TCP11: variants seen among roughly 807,000 people sequenced by gnomAD.
The protein encoded by TCP11 is T-complex protein 11 homolog.
In TCP11, 34 loss-of-function variants were observed where a neutral mutation model predicts 45.0. That is an observed-to-expected ratio of 0.76 (90% CI 0.57 to 1.01). The LOEUF is 1.01. Ranked by LOEUF, TCP11 falls within the 50% of genes least tolerant of loss-of-function variation. The pLI is 0.00. For synonymous variants in TCP11, 227 were observed against 227.0 expected (o/e 1.00, Z 0.00); for missense variants, 523 against 598.1 (o/e 0.87, Z 1.31).
At chr6:35,135,004 A>T (rs954557127) in intron 3 of TCP11, among the ~76,000 whole-genome samples, 2 of 152,106 alleles carry the variant, frequency 1.3e-5, no homozygotes, top group Non-Finnish European at 2.9e-5. Context: ...AAAATTAGCT[A>T]GGCGTGGTGG....
intron 3 of TCP11, among the ~76,000 whole-genome samples, chr6:35,129,422 T>C (rs1001350890): frequency 2.6e-5 from 4 of 152,244 alleles, no homozygotes; most frequent in African/African-American, 9.6e-5. Flanking sequence ...GCCCTCTCTC[T>C]GCAGTAGAAA....
Position 35,119,410 on chromosome 6 carries a change from T to TAAGC in TCP11, c.1116-23_1116-20dup. ...CTCAGGCCTAGACCATGAAAGAAAG[T>TAAGC]AAGCTGGCACCCACCAGGTAACCCT... On this transcript the variant is annotated intron_variant, in intron 8 of 9. Coordinates refer to ENST00000311875, the MANE Select transcript of TCP11 (RefSeq NM_001370687.1). 6.2e-7 allele frequency: 1 copy of TAAGC among 1,612,094 alleles called. No homozygotes were observed. Among genetic ancestry groups the TAAGC allele is most frequent in the East Asian group, 2.2e-5 (1 of 44,848 alleles).
chr6:35,120,833 G>C lies in TCP11; in HGVS notation c.715+76C>G. 3 of 1,513,168 alleles carry C rather than the reference G, an allele frequency of 2.0e-6. No homozygotes were observed. The highest frequency in any genetic ancestry group is 2.7e-6 in the Non-Finnish European group (3 of 1,122,638). The allele number at this position is 1,513,168 out of a possible 1,614,324, so 93.7% of individuals were successfully genotyped here. On this transcript the variant is annotated intron_variant, in intron 6 of 9. Coordinates refer to ENST00000311875, the MANE Select transcript of TCP11 (RefSeq NM_001370687.1). This position sits in a 1 kb window ranked among gnomAD's most constrained non-coding sequence, Gnocchi z 4.9. ...AACTTTCTATTCCTAAAAAGAGATA[G>C]AGTACTCTCTAACATTATAAAAGTC...
At chr6:35,125,782 T>C (rs889875323) in intron 4 of TCP11, among the ~76,000 whole-genome samples, 2 of 152,194 alleles carry the variant, frequency 1.3e-5, no homozygotes, top group Admixed American at 1.3e-4. Flanking sequence ...AACAGATGTA[T>C]GAACAAAATG....
In TCP11 at chr6:35,141,259, G is replaced by A. The variant is rs1016338319; in HGVS notation, c.-69C>T. ...TGGCGTCCGCTCGGTGGGCCTCGCG[G>A]CCTGGCGGCCTGGAGCGTACCACCG... On this transcript the variant is annotated 5_prime_UTR_variant, in exon 1 of 10. Coordinates refer to ENST00000311875, the MANE Select transcript of TCP11 (RefSeq NM_001370687.1). 2.2e-5 allele frequency: 4 copies of A among 183,504 alleles called. No homozygotes were observed. Among genetic ancestry groups the A allele is most frequent in the African/African-American group, 1.1e-4 (4 of 36,962 alleles). 11.4% of individuals were successfully genotyped at this position (183,504 alleles called of 1,614,324 possible).
rs768039790 is a variant in TCP11 at position 35,122,178 on chromosome 6, G to T, written c.517C>A (p.Pro173Thr). 10 of 1,614,038 alleles carry T rather than the reference G, an allele frequency of 6.2e-6. No individual in the cohort carries two copies. The South Asian group carries it at 1.1e-4, about 18-fold the overall frequency. ...VLNMMALLCA[P>T]VRDEAVQKLE... ...TTCTGCACTGCTTCATCTCGAACTGGTGCACACAGCAAAGCCATCATGTTG... is the reference window on the plus strand; with the variant it reads ...TTCTGCACTGCTTCATCTCGAACTGTTGCACACAGCAAAGCCATCATGTTG... The change falls in exon 5 of 10, where the codon CCA (proline) becomes ACA (threonine). Residue 173 changes from proline (P) to threonine (T), a missense_variant. Pro to Thr is a conservative substitution (Grantham distance 38). This residue lies in a region of TCP11 where 225 missense variants were observed against 210.2 expected (regional missense o/e 1.07). Coordinates refer to ENST00000311875, the MANE Select transcript of TCP11 (RefSeq NM_001370687.1).
At chr6:35,125,498 A>G (rs1003480529) in intron 4 of TCP11, among the ~76,000 whole-genome samples, 2 of 152,242 alleles carry the variant, frequency 1.3e-5, no homozygotes, top group African/African-American at 4.8e-5. Flanking sequence ...GCCATTACCA[A>G]AAATGGAAAA....
intron 8 of TCP11, 129 bp from the exon 9 acceptor site, chr6:35,119,520 A>C (rs1581795525): frequency 2.6e-6 from 3 of 1,144,432 alleles, no homozygotes; most frequent in Non-Finnish European, 3.7e-6. Context: ...CCACCCCTAA[A>C]CCCCAGCCCC....
At chr6:35,129,968 G>C (rs1186086550) in intron 3 of TCP11, among the ~76,000 whole-genome samples, 1 of 151,916 alleles carries the variant, frequency 6.6e-6, no homozygotes, top group Non-Finnish European at 1.5e-5. Context: ...TTTTAGTAGA[G>C]ATGGGGGTCC....
Position 35,120,071 on chromosome 6 carries a change from G to T in TCP11, c.1115+88C>A. The T allele has an allele frequency of 6.7e-7, 1 of 1,493,200 alleles. No homozygotes were observed. Among genetic ancestry groups the T allele is most frequent in the Non-Finnish European group, 9.1e-7 (1 of 1,104,314 alleles). The allele number at this position is 1,493,200 out of a possible 1,614,324, so 92.5% of individuals were successfully genotyped here. On this transcript the variant is annotated intron_variant, in intron 8 of 9. Coordinates refer to ENST00000311875, the MANE Select transcript of TCP11 (RefSeq NM_001370687.1). This position sits in a 1 kb window ranked among gnomAD's most constrained non-coding sequence, Gnocchi z 4.9. ...TCCACAGGGCCTTTCTGTGGTTTGTGGTAGACAGTAAGCAATCGTTCATTA... is the reference window on the plus strand; with the variant it reads ...TCCACAGGGCCTTTCTGTGGTTTGTTGTAGACAGTAAGCAATCGTTCATTA...
In TCP11 at chr6:35,120,179, C is replaced by T; in HGVS notation, c.1095G>A (p.Leu365=). 1 of 1,614,050 alleles carries T rather than the reference C, an allele frequency of 6.2e-7. No individual in the cohort carries two copies. Among genetic ancestry groups the T allele is most frequent in the African/African-American group, 1.3e-5 (1 of 75,034 alleles). The change falls in exon 8 of 10, where the codon TTG becomes TTA. Residue 365 remains leucine, a synonymous_variant. Transcript: ENST00000311875. The surrounding 1 kb of genome is among the most constrained non-coding windows in gnomAD (Gnocchi z 4.9). ...CTCACCTGGAGTGAAAGTCTTCCAA[C>T]AAGGATTTGGTTATGCGTTTCAGTT... The part of the protein sequence containing the change: ...VDKLKRITKS[L]LEDFHSRPEE...
At chr6:35,118,554 G>A (rs1778886208) in intron 9 of TCP11, 53 bp from the exon 10 acceptor site, 22 of 1,531,086 alleles carry the variant, frequency 1.4e-5, no homozygotes, top group Non-Finnish European at 1.8e-5. Flanking sequence ...ATTTCAGGGA[G>A]AAAATTCCCC....
intron 2 of TCP11, among the ~76,000 whole-genome samples, chr6:35,139,000 C>T (rs759143898): frequency 7.2e-5 from 11 of 152,056 alleles, no homozygotes; most frequent in Non-Finnish European, 1.0e-4. Flanking sequence ...CCAGCCTGGC[C>T]GACATGGTGA....
chr6:35,136,672 T>C (rs1433121153), intron 2 of TCP11, among the ~76,000 whole-genome samples: 2 of 70,344 alleles, frequency 2.8e-5, no homozygotes, highest in Non-Finnish European at 2.8e-5. Context: ...AGTCATTTGG[T>C]CTTCTAAAGC....
chr6:35,140,572 C>G (rs1044770088), intron 2 of TCP11, 175 bp downstream of exon 2: 1 of 684,322 alleles, frequency 1.5e-6, no homozygotes, highest in Non-Finnish European at 2.7e-6. Flanking sequence ...GAACCAAAAA[C>G]TCTTTGAAGA....
At chr6:35,131,002 A>G (rs1780360769) in intron 3 of TCP11, among the ~76,000 whole-genome samples, 1 of 152,188 alleles carries the variant, frequency 6.6e-6, no homozygotes. Context: ...CATAAAATGG[A>G]ATATTATTCA....
intron 8 of TCP11, among the ~76,000 whole-genome samples, 176 bp downstream of exon 8, chr6:35,119,983 G>T (rs150310810): frequency 2.5e-4 from 38 of 151,430 alleles, no homozygotes; most frequent in African/African-American, 8.5e-4. Context: ...TGGAAGAAAG[G>T]TTTTTTTTTG....
At chr6:35,128,929 G>A in intron 4 of TCP11, 133 bp downstream of exon 4, 2 of 1,168,760 alleles carry the variant, frequency 1.7e-6, no homozygotes, top group South Asian at 1.7e-5. Flanking sequence ...TAAAATTACT[G>A]TATGATTTCT....
chr6:35,121,016 T>G lies in TCP11; in HGVS notation c.608A>C (p.Lys203Thr), dbSNP rs1328093669. Reference sequence around the variant, plus strand: ...GATAGTGTAGTTCACCATGTCCATTTTCATCCGGCCCAGAACCTGGAAGAT... The same window carrying G: ...GATAGTGTAGTTCACCATGTCCATTGTCATCCGGCCCAGAACCTGGAAGAT... ...RGIFQVLGRM[K>T]MDMVNYTIQS... Residue 203 changes from lysine (K) to threonine (T), a missense_variant, in exon 6 of 10, where the codon AAA (lysine) becomes ACA (threonine). Coordinates refer to ENST00000311875, the MANE Select transcript of TCP11 (RefSeq NM_001370687.1). 1 of 1,611,688 alleles carries G rather than the reference T, an allele frequency of 6.2e-7. No homozygotes were observed. Among genetic ancestry groups the G allele is most frequent in the South Asian group, 1.1e-5 (1 of 90,466 alleles).
Sources: allele counts gnomAD v4.1 joint callset (sites outside exome capture counted in the v4.1 genomes callset), GRCh38; gene constraint gnomAD v4.1.1; regional missense constraint gnomAD v4.1.1; non-coding constraint Gnocchi (gnomAD v3.1); transcripts MANE v1.5; gene names NCBI Gene and HGNC (gene_info 2026-07-23, HGNC 2026-07-21).